Variants in DCDC1 observed in about 807,000 individuals in gnomAD.
The protein encoded by DCDC1 is doublecortin domain containing 1, also known as doublecortin domain-containing protein 1.
In DCDC1, 200 loss-of-function variants were observed where a neutral mutation model predicts 178.3. The observed-to-expected ratio is 1.12, with a 90% CI of 1.00 to 1.26. DCDC1 has a LOEUF of 1.26. DCDC1 is among the 50% of genes most tolerant of loss of function. DCDC1 has a pLI of 0.00. For synonymous variants in DCDC1, 690 were observed against 604.8 expected, an observed-to-expected ratio of 1.14 and a Z score of -2.07; for missense variants, 1,983 against 1,749.2, an observed-to-expected ratio of 1.13 and a Z score of -2.38.
chr11:31,316,104 G>A (rs1293979404), intron 3 of DCDC1, among the ~76,000 whole-genome samples: 61 of 94,080 alleles, frequency 6.5e-4, no homozygotes, highest in Admixed American at 3.4e-3. Context: ...GAATAGTGCC[G>A]CAATAAACAT....
intron 20 of DCDC1, among the ~76,000 whole-genome samples, chr11:31,059,487 C>G (rs1955797202): frequency 6.6e-6 from 1 of 151,990 alleles, no homozygotes; most frequent in African/African-American, 2.4e-5. Context: ...ATGCTTAAAG[C>G]TGAGTATCTT....
rs976592826 is a variant in DCDC1 at position 30,961,795 on chromosome 11, T to C, written c.2592-9227A>G. Among the ~76,000 whole-genome samples the C allele has an allele frequency of 4.9e-4, 74 of 152,136 alleles. 1 individual carries two copies. Among genetic ancestry groups the C allele is most frequent in the Non-Finnish European group, 1.8e-4 (12 of 67,946 alleles). On this transcript the variant is annotated intron_variant, in intron 20 of 38. Coordinates refer to ENST00000684477, the MANE Select transcript of DCDC1 (RefSeq NM_001387274.1). ...TAAATATATAGATTGTAAAAAGTAA[T>C]AGTAATAATGACTTACTTTGATGGA...
At position 31,298,254 on chromosome 11, in the gene DCDC1, C is replaced by A. The variant is rs575135468; in HGVS notation, c.754+7361G>T. Among the ~76,000 whole-genome samples, 16 of 152,316 alleles carry A rather than the reference C, an allele frequency of 1.1e-4. 1 individual carries two copies. The highest frequency in any genetic ancestry group is 7.8e-4 in the Admixed American group (12 of 15,294). On this transcript the variant is annotated intron_variant, in intron 6 of 38. Transcript: ENST00000684477. ...CTTTCAGCAAGGTCTCTGCCCTCCACAACCAACTGCCAAAGAAAGGGCCCT... is the reference window on the plus strand; with the variant it reads ...CTTTCAGCAAGGTCTCTGCCCTCCAAAACCAACTGCCAAAGAAAGGGCCCT...
At chr11:31,334,556 T>C (rs565471585) in intron 2 of DCDC1, among the ~76,000 whole-genome samples, 2 of 152,272 alleles carry the variant, frequency 1.3e-5, no homozygotes, top group East Asian at 1.9e-4. Context: ...GACCTACAGA[T>C]GGGGTTTTGG....
intron 3 of DCDC1, chr11:31,312,895 G>C (rs1362672980): frequency 6.6e-6 from 1 of 152,082 alleles, no homozygotes; most frequent in Non-Finnish European, 1.5e-5. Flanking sequence ...GGTGGCTTAT[G>C]CCTGTAATCC....
At chr11:30,944,848 C>T (rs1172421654) in intron 21 of DCDC1, among the ~76,000 whole-genome samples, 14 of 151,874 alleles carry the variant, frequency 9.2e-5, no homozygotes, top group Non-Finnish European at 1.5e-5. Flanking sequence ...AATTTATCTA[C>T]TCCACACAAA....
In DCDC1 at chr11:30,952,517, A is replaced by T; in HGVS notation, c.2643T>A (p.Ser881=). 1 of 1,589,758 alleles carries T rather than the reference A, an allele frequency of 6.3e-7. No individual in the cohort carries two copies. Among genetic ancestry groups the T allele is most frequent in the Non-Finnish European group, 8.5e-7 (1 of 1,172,946 alleles). Residue 881 remains serine (S), a synonymous_variant, in exon 21 of 39, where the codon TCT becomes TCA. Coordinates refer to ENST00000684477, the MANE Select transcript of DCDC1 (RefSeq NM_001387274.1). The part of the protein sequence containing the change: ...GTSKPGQWKH[S]RVENPLWNKL... ...TGTTCCATAGAGGATTTTCAACTCT[A>T]GAATGTTTCCACTGGCCTGGCTTAC...
At chr11:31,037,788 T>C (rs1253967846) in intron 20 of DCDC1, among the ~76,000 whole-genome samples, 1 of 152,002 alleles carries the variant, frequency 6.6e-6, no homozygotes, top group East Asian at 1.9e-4. Context: ...CTTATCAAGA[T>C]TATCTTTAAT....
intron 20 of DCDC1, among the ~76,000 whole-genome samples, chr11:30,986,613 G>A (rs1028051426): frequency 6.6e-6 from 1 of 152,116 alleles, no homozygotes; most frequent in Admixed American, 6.5e-5. Context: ...TTACAGGTGT[G>A]AGCCACCACA....
chr11:31,245,878 A>G (rs571580998), intron 8 of DCDC1, among the ~76,000 whole-genome samples: 1 of 152,108 alleles, frequency 6.6e-6, no homozygotes, highest in South Asian at 2.1e-4. Flanking sequence ...AGGATCTTCT[A>G]TTAAAACTTT....
chr11:31,117,206 C>G (rs907816027), intron 11 of DCDC1, among the ~76,000 whole-genome samples: 6 of 152,178 alleles, frequency 3.9e-5, no homozygotes, highest in African/African-American at 1.4e-4. Context: ...TCTGGTACCC[C>G]TCAGAGGCCT....
intron 21 of DCDC1, chr11:30,943,448 C>T (rs779189007): frequency 6.6e-6 from 2 of 300,766 alleles, no homozygotes; most frequent in South Asian, 3.0e-5. Flanking sequence ...TGGCATGGCC[C>T]GTCCAAATGG....
chr11:31,238,356 G>A lies in DCDC1; in HGVS notation c.1221+3094C>T, dbSNP rs575124417. On this transcript the variant is annotated intron_variant, in intron 9 of 38. Transcript: ENST00000684477. ...CTGACAGCAACTAAAAGCTCTATGT[G>A]GGATGATAAATAAAGAACATCATGT... Among the ~76,000 whole-genome samples, 41 of 152,134 alleles carry A rather than the reference G, an allele frequency of 2.7e-4. No homozygotes were observed. The South Asian group carries it at 7.5e-3, about 28-fold the overall frequency.
At chr11:31,025,751 C>T (rs991744175) in intron 20 of DCDC1, among the ~76,000 whole-genome samples, 1 of 151,712 alleles carries the variant, frequency 6.6e-6, no homozygotes, top group Non-Finnish European at 1.5e-5. Context: ...TGAAAAGTTA[C>T]TCTAGTGAGT....
chr11:31,280,594 C>A, intron 7 of DCDC1: 1 of 336,108 alleles, frequency 3.0e-6, no homozygotes, highest in African/African-American at 2.1e-5. Flanking sequence ...TGTATGAAAT[C>A]TATTAAAGTA....
At chr11:31,210,581 C>CTACTAATGAATTAACAGATTTTTCAA (rs1972389622) in intron 9 of DCDC1, among the ~76,000 whole-genome samples, 1 of 151,782 alleles carries the variant, frequency 6.6e-6, no homozygotes, top group African/African-American at 2.4e-5. Flanking sequence ...CATGGTGGCA[C>CTACTAATGAATTAACAGATTTTTCAA]ATGCCTGTAA....
At chr11:31,166,990 C>T (rs964831768) in intron 9 of DCDC1, among the ~76,000 whole-genome samples, 12 of 152,154 alleles carry the variant, frequency 7.9e-5, no homozygotes, top group African/African-American at 2.4e-4. Context: ...GCAATTGTCT[C>T]CCTCCAGACT....
At chr11:31,172,874 A>T (rs937299923) in intron 9 of DCDC1, among the ~76,000 whole-genome samples, 14 of 152,180 alleles carry the variant, frequency 9.2e-5, no homozygotes, top group African/African-American at 2.9e-4. Flanking sequence ...GAACTCATGC[A>T]GTTCAAACCC....
intron 11 of DCDC1, among the ~76,000 whole-genome samples, chr11:31,126,666 C>T (rs891115913): frequency 1.3e-5 from 2 of 152,040 alleles, no homozygotes; most frequent in South Asian, 4.1e-4. Flanking sequence ...GTTGTAGTAA[C>T]CATGATTTCT....
Sources: allele counts gnomAD v4.1 joint callset (sites outside exome capture counted in the v4.1 genomes callset), GRCh38; gene constraint gnomAD v4.1.1; transcripts MANE v1.5; gene names NCBI Gene and HGNC (gene_info 2026-07-23, HGNC 2026-07-21).